Variants in GNA14 observed in about 807,000 individuals in gnomAD.
The protein encoded by GNA14 is G protein subunit alpha 14.
A neutral mutation model predicts 42.0 loss-of-function variants in GNA14; 50 were observed. The observed-to-expected ratio is 1.19, with a 90% CI of 0.95 to 1.51. The LOEUF is 1.51. Ranked by LOEUF, GNA14 falls within the 40% of genes most tolerant of loss-of-function variation. The probability of loss-of-function intolerance (pLI) is 0.00; values close to 1 mark genes in which losing one functional copy is unlikely to be tolerated. For synonymous variants in GNA14, 173 were observed against 163.1 expected (o/e 1.06, Z -0.46); for missense variants, 473 against 446.2 (o/e 1.06, Z -0.54).
At chr9:77,604,603 T>C (rs1314469209) in intron 1 of GNA14, among the ~76,000 whole-genome samples, 1 of 152,214 alleles carries the variant, frequency 6.6e-6, no homozygotes, top group Non-Finnish European at 1.5e-5. Flanking sequence ...CTGGTAATCC[T>C]GACCATCCAC....
At chr9:77,489,533 C>A (rs1431011299) in intron 2 of GNA14, among the ~76,000 whole-genome samples, 1 of 152,222 alleles carries the variant, frequency 6.6e-6, no homozygotes, top group East Asian at 1.9e-4. Flanking sequence ...CTTGGTTCCA[C>A]TGACTTCAAG....
chr9:77,560,469 T>C (rs1437509879), intron 1 of GNA14, among the ~76,000 whole-genome samples: 2 of 151,942 alleles, frequency 1.3e-5, no homozygotes, highest in Non-Finnish European at 2.9e-5. Flanking sequence ...ATGTTGTTTT[T>C]TGTTTGTTTG....
intron 2 of GNA14, among the ~76,000 whole-genome samples, chr9:77,434,852 C>G: frequency 6.6e-6 from 1 of 152,130 alleles, no homozygotes; most frequent in East Asian, 1.9e-4. Flanking sequence ...TTCATCCTAC[C>G]AGCAAACTTT....
At chr9:77,505,149 G>A (rs1411283222) in intron 2 of GNA14, among the ~76,000 whole-genome samples, 4 of 152,156 alleles carry the variant, frequency 2.6e-5, no homozygotes, top group African/African-American at 9.7e-5. Context: ...ATACAGTTTA[G>A]TGGACAGACT....
intron 1 of GNA14, among the ~76,000 whole-genome samples, chr9:77,558,501 G>C (rs1054960686): frequency 2.6e-5 from 4 of 152,078 alleles, no homozygotes; most frequent in African/African-American, 9.7e-5. Context: ...TGTATACCCA[G>C]CTGCTCAGAC....
intron 2 of GNA14, among the ~76,000 whole-genome samples, chr9:77,447,373 A>G (rs1835838589): frequency 6.6e-6 from 1 of 152,160 alleles, no homozygotes; most frequent in Non-Finnish European, 1.5e-5. Context: ...TTATACATAA[A>G]CTTTCTAAGA....
At chr9:77,453,156 A>C in intron 2 of GNA14, among the ~76,000 whole-genome samples, 1 of 152,014 alleles carries the variant, frequency 6.6e-6, no homozygotes, top group Non-Finnish European at 1.5e-5. Flanking sequence ...AATAAAAAAT[A>C]AAAATAAAAA....
intron 2 of GNA14, among the ~76,000 whole-genome samples, chr9:77,524,491 A>G (rs929799129): frequency 6.6e-5 from 10 of 152,364 alleles, no homozygotes; most frequent in Admixed American, 2.6e-4. Context: ...ATACTCAGCA[A>G]TAAGTAATGA....
At chr9:77,601,073 G>T (rs1372576013) in intron 1 of GNA14, among the ~76,000 whole-genome samples, 2 of 152,270 alleles carry the variant, frequency 1.3e-5, no homozygotes, top group African/African-American at 4.8e-5. Context: ...TGTGCAGGGG[G>T]AGGAGCGTGG....
chr9:77,472,050 T>C (rs957271257), intron 2 of GNA14, among the ~76,000 whole-genome samples: 2 of 152,200 alleles, frequency 1.3e-5, no homozygotes, highest in African/African-American at 4.8e-5. Context: ...TGTCTTTTTC[T>C]GAAATTTGAC....
chr9:77,499,389 C>CA lies in GNA14; in HGVS notation c.309+29679dup, dbSNP rs10716926. 9.9e-3 allele frequency among the ~76,000 whole-genome samples: 1,381 copies of CA among 139,252 alleles called. 13 individuals carry two copies. Among genetic ancestry groups the CA allele is most frequent in the Middle Eastern group, 0.029 (8 of 272 alleles). 91.4% of individuals were successfully genotyped at this position (139,252 alleles called of 152,430 possible). On this transcript the variant is annotated intron_variant, in intron 2 of 6. Transcript: ENST00000341700. ...GTACTTCATAGTTTACAAATTGCTT[C>CA]AAAAAAAAAAAAAACTGATGACCAT... is the stretch of plus-strand genomic sequence containing the variant.
At chr9:77,468,311 C>T (rs547443231) in intron 2 of GNA14, among the ~76,000 whole-genome samples, 7 of 152,238 alleles carry the variant, frequency 4.6e-5, no homozygotes, top group Non-Finnish European at 7.4e-5. Context: ...CTAGAGGCTT[C>T]GAATAGTTGT....
At chr9:77,434,053 C>A (rs1206470201) in intron 3 of GNA14, among the ~76,000 whole-genome samples, 1 of 152,214 alleles carries the variant, frequency 6.6e-6, no homozygotes, top group African/African-American at 2.4e-5. Flanking sequence ...AATTTCAGCA[C>A]TCCTAAGGAG....
At chr9:77,461,934 C>T (rs1248537479) in intron 2 of GNA14, among the ~76,000 whole-genome samples, 1 of 152,120 alleles carries the variant, frequency 6.6e-6, no homozygotes, top group African/African-American at 2.4e-5. Context: ...GGATTCCTCT[C>T]TTTTATATAA....
chr9:77,625,295 G>A (rs1223691260), intron 1 of GNA14, among the ~76,000 whole-genome samples: 1 of 152,090 alleles, frequency 6.6e-6, no homozygotes, highest in African/African-American at 2.4e-5. Flanking sequence ...AAGTGACGGG[G>A]AGAATGGAAC....
At chr9:77,631,595 G>GC (rs1206638814) in intron 1 of GNA14, among the ~76,000 whole-genome samples, 1 of 151,876 alleles carries the variant, frequency 6.6e-6, no homozygotes, top group Non-Finnish European at 1.5e-5. Context: ...TAGAACATTG[G>GC]CCCACAGTAC....
At chr9:77,536,116 C>G (rs1470188391) in intron 1 of GNA14, among the ~76,000 whole-genome samples, 2 of 152,022 alleles carry the variant, frequency 1.3e-5, no homozygotes, top group African/African-American at 4.8e-5. Flanking sequence ...TGCTATTTTT[C>G]ACCATAAAAG....
At chr9:77,644,546 G>T (rs1824325073) in intron 1 of GNA14, among the ~76,000 whole-genome samples, 1 of 151,046 alleles carries the variant, frequency 6.6e-6, no homozygotes, top group Non-Finnish European at 1.5e-5. Context: ...AAGGAGAGAG[G>T]CCTCCGGAAA....
At chr9:77,527,249 G>A (rs1837453935) in intron 2 of GNA14, among the ~76,000 whole-genome samples, 2 of 152,052 alleles carry the variant, frequency 1.3e-5, no homozygotes, top group Non-Finnish European at 2.9e-5. Context: ...ACATTAGAAA[G>A]GGTAAGTAAA....
Sources: gnomAD v4.1 joint callset for allele counts (sites outside exome capture counted in the v4.1 genomes callset) on GRCh38, gnomAD v4.1.1 for gene constraint, MANE v1.5 for transcripts, NCBI Gene and HGNC (gene_info 2026-07-23, HGNC 2026-07-21) for gene names.